The following ETNK1 variants were observed in gnomAD, a reference collection of about 807,000 sequenced individuals.
ETNK1 encodes the protein ethanolamine kinase 1.
ETNK1 carries 8 observed loss-of-function variants against 45.1 expected under a neutral mutation model. The ratio of observed to expected loss-of-function variants is 0.18; its 90% CI spans 0.10 to 0.32. ETNK1 has a LOEUF of 0.32. ETNK1 is among the 10% of genes least tolerant of loss of function. ETNK1 has a pLI of 1.00. For synonymous variants in ETNK1, 152 were observed against 151.9 expected (o/e 1.00, Z -0.01); for missense variants, 302 against 430.6 (o/e 0.70, Z 2.64).
Position 22,689,654 on chromosome 12 carries a change from A to C in ETNK1, c.*4700A>C, listed in dbSNP as rs938202372. The C allele has an allele frequency of 6.6e-6, 1 of 152,030 alleles. No homozygotes were observed. The highest frequency in any genetic ancestry group is 2.4e-5 in the African/African-American group (1 of 41,448). 9.4% of individuals were successfully genotyped at this position (152,030 alleles called of 1,614,324 possible). On this transcript the variant is annotated 3_prime_UTR_variant, in exon 8 of 8. Coordinates refer to ENST00000266517, the MANE Select transcript of ETNK1 (RefSeq NM_018638.5). ...TAGTTAAATTTCAAAACTCATAATA[A>C]AGGAACTTTCAGAGATTGGTTGAAA...
At chr12:22,674,571 A>G (rs1359508945) in intron 6 of ETNK1, among the ~76,000 whole-genome samples, 2 of 152,174 alleles carry the variant, frequency 1.3e-5, no homozygotes, top group African/African-American at 4.8e-5. Context: ...AGCTGGTCCT[A>G]GGATGCCTGC....
At chr12:22,662,502 C>T (rs1274312418) in intron 4 of ETNK1, among the ~76,000 whole-genome samples, 1 of 151,834 alleles carries the variant, frequency 6.6e-6, no homozygotes, top group Non-Finnish European at 1.5e-5. Context: ...TCAAGCAGTC[C>T]TCCTGCCCCA....
intron 4 of ETNK1, among the ~76,000 whole-genome samples, chr12:22,663,814 G>T (rs527769620): frequency 1.3e-5 from 2 of 150,014 alleles, no homozygotes; most frequent in Admixed American, 6.6e-5. Flanking sequence ...CTTTGTCTTT[G>T]TGGTTATGTA....
At chr12:22,670,741 C>G (rs1954099855) in intron 4 of ETNK1, among the ~76,000 whole-genome samples, 1 of 152,158 alleles carries the variant, frequency 6.6e-6, no homozygotes, top group Admixed American at 6.5e-5. Flanking sequence ...TAGCAACTAA[C>G]TTCTTGTTAG....
Position 22,668,313 on chromosome 12 carries a change from G to A in ETNK1, c.701-2959G>A, listed in dbSNP as rs58639584. Among the ~76,000 whole-genome samples the A allele has an allele frequency of 8.9e-4, 135 of 152,224 alleles. 1 individual carries two copies. The highest frequency in any genetic ancestry group is 2.9e-3 in the African/African-American group (120 of 41,546). On this transcript the variant is annotated intron_variant, in intron 4 of 7. Transcript: ENST00000266517. ...ATGTGGATATTCGTTTAAATAAAGC[G>A]AAATTTTAGAAATCAGAAGTTAAAT...
rs1268120377 is a variant in ETNK1 at position 22,684,740 on chromosome 12, T to C, written c.1020-142T>C. On this transcript the variant is annotated intron_variant, in intron 7 of 7. Coordinates refer to ENST00000266517, the MANE Select transcript of ETNK1 (RefSeq NM_018638.5). ...CTCGCAGGATTAGAAAAGTGTCCAG[T>C]AGGTGGTGCAATAAACTAAAAATAT... is the stretch of plus-strand genomic sequence containing the variant. 1.3e-5 allele frequency: 10 copies of C among 741,208 alleles called. No homozygotes were observed. In the Admixed American group the frequency reaches 3.1e-4, roughly 23 times the overall value. 45.9% of individuals were successfully genotyped at this position (741,208 alleles called of 1,614,324 possible). A position where few individuals can be genotyped will look rare whatever the true frequency, so the allele number is the denominator to read the frequency against.
intron 2 of ETNK1, among the ~76,000 whole-genome samples, chr12:22,644,955 C>A (rs958148150): frequency 6.6e-6 from 1 of 151,888 alleles, no homozygotes; most frequent in Admixed American, 6.6e-5. Context: ...TGGAATGTAC[C>A]AGTAACACTT....
At chr12:22,652,866 G>C (rs1014027157) in intron 2 of ETNK1, among the ~76,000 whole-genome samples, 5 of 152,030 alleles carry the variant, frequency 3.3e-5, no homozygotes, top group Non-Finnish European at 7.4e-5. Context: ...TTTTACTTTT[G>C]TTGCCTGTGC....
At chr12:22,681,220 A>G (rs1268436572) in intron 6 of ETNK1, among the ~76,000 whole-genome samples, 1 of 152,028 alleles carries the variant, frequency 6.6e-6, no homozygotes, top group Non-Finnish European at 1.5e-5. Flanking sequence ...GCCTACACAA[A>G]TGAGATTTCA....
At chr12:22,629,454 C>G (rs951552630) in intron 1 of ETNK1, among the ~76,000 whole-genome samples, 1 of 152,066 alleles carries the variant, frequency 6.6e-6, no homozygotes, top group Non-Finnish European at 1.5e-5. Flanking sequence ...GTTTTCATAT[C>G]CTTCCTCTTT....
chr12:22,674,660 G>C (rs561174070), intron 6 of ETNK1, among the ~76,000 whole-genome samples: 38 of 152,314 alleles, frequency 2.5e-4, no homozygotes, highest in African/African-American at 7.9e-4. Flanking sequence ...ATGAATTTCA[G>C]ATTCAGCCTA....
intron 6 of ETNK1, among the ~76,000 whole-genome samples, chr12:22,682,073 G>A (rs1026549248): frequency 2.6e-5 from 4 of 152,034 alleles, no homozygotes; most frequent in Non-Finnish European, 4.4e-5. Flanking sequence ...ATGTGATTTT[G>A]TAATTTTAAC....
chr12:22,679,700 TTG>T (rs1176172248), intron 6 of ETNK1, among the ~76,000 whole-genome samples: 34 of 135,158 alleles, frequency 2.5e-4, no homozygotes, highest in African/African-American at 5.2e-4. Context: ...TCTTGGTTTT[TTG>T]TTTTTTTTTT....
rs533417183 is a variant in ETNK1 at position 22,671,712 on chromosome 12, G to C, written c.784+357G>C. ...AATTTAGCCGGGCGTGGTGGTGGGC[G>C]CCTGTAGTCCCAGCTACTTGGGAGG... On this transcript the variant is annotated intron_variant, in intron 5 of 7. Coordinates refer to ENST00000266517, the MANE Select transcript of ETNK1 (RefSeq NM_018638.5). Among the ~76,000 whole-genome samples, 102 of 151,844 alleles carry C rather than the reference G, an allele frequency of 6.7e-4. 1 individual carries two copies. Among genetic ancestry groups the C allele is most frequent in the African/African-American group, 2.1e-3 (88 of 41,380 alleles).
At chr12:22,678,664 AT>A (rs1303371435) in intron 6 of ETNK1, among the ~76,000 whole-genome samples, 1 of 152,218 alleles carries the variant, frequency 6.6e-6, no homozygotes, top group Non-Finnish European at 1.5e-5. Flanking sequence ...GTCTAGTCCA[AT>A]TCGGATGAAA....
Position 22,689,306 on chromosome 12 carries a change from T to G in ETNK1, c.*4352T>G, listed in dbSNP as rs1476872702. The G allele has an allele frequency of 6.6e-6, 1 of 151,944 alleles. No homozygotes were observed. The highest frequency in any genetic ancestry group is 2.4e-5 in the African/African-American group (1 of 41,434). The allele number at this position is 151,944 out of a possible 1,614,324, so 9.4% of individuals were successfully genotyped here. Reference sequence around the variant, plus strand: ...TCAAACTTCAAGTTTTTTGTAAGTTTCTCTCCTGAAATTTTCTTTCTCTTC... The same window carrying G: ...TCAAACTTCAAGTTTTTTGTAAGTTGCTCTCCTGAAATTTTCTTTCTCTTC... On this transcript the variant is annotated 3_prime_UTR_variant, in exon 8 of 8. Coordinates refer to ENST00000266517, the MANE Select transcript of ETNK1 (RefSeq NM_018638.5).
chr12:22,655,734 T>A (rs1953932816), intron 2 of ETNK1, among the ~76,000 whole-genome samples: 1 of 151,908 alleles, frequency 6.6e-6, no homozygotes, highest in African/African-American at 2.4e-5. Context: ...ATGTTAATTT[T>A]TTTTCCTGGT....
At chr12:22,674,588 A>T (rs1335288391) in intron 6 of ETNK1, among the ~76,000 whole-genome samples, 2 of 152,120 alleles carry the variant, frequency 1.3e-5, no homozygotes, top group Non-Finnish European at 2.9e-5. Context: ...CTGCTTTTCT[A>T]TTTATTGTAT....
rs571809360 is a variant in ETNK1 at position 22,672,703 on chromosome 12, G to A, written c.785-797G>A. 6.1e-4 allele frequency among the ~76,000 whole-genome samples: 93 copies of A among 152,276 alleles called. 1 individual carries two copies. Among genetic ancestry groups the A allele is most frequent in the African/African-American group, 2.2e-3 (92 of 41,572 alleles). On this transcript the variant is annotated intron_variant, in intron 5 of 7. Transcript: ENST00000266517. ...GTGCAAACTAAAGAGAAGGAAAGGG[G>A]AAAAAACTTTAAGATGAACTACTTA...
Sources: allele counts gnomAD v4.1 joint callset (sites outside exome capture counted in the v4.1 genomes callset), GRCh38; gene constraint gnomAD v4.1.1; transcripts MANE v1.5; gene names NCBI Gene and HGNC (gene_info 2026-07-23, HGNC 2026-07-21).